MID1: variants seen among roughly 807,000 people sequenced by gnomAD.
MID1 encodes the protein E3 ubiquitin-protein ligase Midline-1.
In MID1, 7 loss-of-function variants were observed where a neutral mutation model predicts 40.4. The observed-to-expected ratio is 0.17, with a 90% confidence interval of 0.10 to 0.33. MID1 has a LOEUF of 0.33. Ranked by LOEUF, MID1 falls within the 10% of genes least tolerant of loss-of-function variation. The pLI, the probability that MID1 is intolerant of heterozygous loss-of-function variation, is 1.00. For missense variants in MID1, 367 were observed against 558.5 expected (o/e 0.66, Z 3.46); for synonymous variants, 229 against 221.2 (o/e 1.04, Z -0.31).
At chrX:10,563,968 T>A (rs1204654779) in intron 2 of MID1, among the ~76,000 whole-genome samples, 1 of 112,717 alleles carries the variant, frequency 8.9e-6, no homozygotes, top group South Asian at 3.6e-4. Context: ...TTATTCTTCA[T>A]AATAATTGCA....
chrX:10,577,554 G>A (rs888287912), intron 1 of MID1, among the ~76,000 whole-genome samples: 3 of 109,325 alleles, frequency 2.7e-5, no homozygotes, highest in Non-Finnish European at 5.7e-5. Context: ...CTATCATCCT[G>A]ATAAACAATT....
chrX:10,798,308 C>T (rs958096317), intron 1 of MID1, among the ~76,000 whole-genome samples: 1 of 112,107 alleles, frequency 8.9e-6, no homozygotes, highest in African/African-American at 3.2e-5. Context: ...GCCTTGTCCA[C>T]GTGACTGGGA....
chrX:10,815,828 T>C (rs1270953014), intron 1 of MID1, among the ~76,000 whole-genome samples: 1 of 112,408 alleles, frequency 8.9e-6, no homozygotes, highest in Non-Finnish European at 1.9e-5. Context: ...ACATTAGACT[T>C]AGCAATTGGT....
rs984919583 is a variant in MID1 at position 10,551,932 on chromosome X, G to A, written c.660+14956C>T. 9.9e-5 allele frequency among the ~76,000 whole-genome samples: 11 copies of A among 111,455 alleles called. No homozygotes were observed. The East Asian group carries it at 3.1e-3, about 31-fold the overall frequency. On this transcript the variant is annotated intron_variant, in intron 2 of 9. Transcript: ENST00000317552. The stretch of plus-strand genomic sequence containing the variant: ...AGAGTAACTGGGACCATAGGCGTGT[G>A]CCATCATGCCTGGAATTTTTTTTTA...
rs997210710 is a variant in MID1, at chrX:10,628,318, AAATCTAAATATCTGAG to A, written c.-186-7915_-186-7900del. Reference sequence around the variant, plus strand: ...TCAGCTTTTCCCATATTTATTAAAGAAATCTAAATATCTGAGAAACTACATTCAAATGAGGCTTCAT... The same window carrying A: ...TCAGCTTTTCCCATATTTATTAAAGAAAACTACATTCAAATGAGGCTTCAT... On this transcript the variant is annotated intron_variant, in intron 1 of 10. Coordinates refer to the MID1 transcript ENST00000380785. Among the ~76,000 whole-genome samples the A allele has an allele frequency of 3.2e-4, 36 of 111,335 alleles. 1 individual carries two copies. Among genetic ancestry groups the A allele is most frequent in the Admixed American group, 1.3e-3 (14 of 10,415 alleles).
chrX:10,505,677 T>C (rs1351009124), intron 3 of MID1: 2 of 752,460 alleles, frequency 2.7e-6, no homozygotes, highest in Non-Finnish European at 3.1e-6. Flanking sequence ...AGATGACCAT[T>C]AATGGAGTGC....
intron 1 of MID1, among the ~76,000 whole-genome samples, chrX:10,701,749 T>C (rs915433202): frequency 4.5e-5 from 5 of 112,194 alleles, no homozygotes; most frequent in African/African-American, 1.6e-4. Context: ...GATCAAAACC[T>C]GTCAAGTATG....
At chrX:10,675,833 G>A (rs1254156449) in intron 1 of MID1, among the ~76,000 whole-genome samples, 1 of 111,593 alleles carries the variant, frequency 9.0e-6, no homozygotes, top group African/African-American at 3.3e-5. Flanking sequence ...AAGGAAACGT[G>A]TACCTATTCT....
At chrX:10,736,154 A>AT (rs1368662387) in intron 1 of MID1, among the ~76,000 whole-genome samples, 1 of 110,696 alleles carries the variant, frequency 9.0e-6, no homozygotes, top group Non-Finnish European at 1.9e-5. Flanking sequence ...AATTTTTTGT[A>AT]TTTTTTAGTA....
At chrX:10,802,718 G>A (rs151292608) in intron 1 of MID1, among the ~76,000 whole-genome samples, 1 of 111,814 alleles carries the variant, frequency 8.9e-6, no homozygotes, top group East Asian at 2.8e-4. Context: ...AAAAAGACAC[G>A]TGGATATGTA....
intron 1 of MID1, among the ~76,000 whole-genome samples, chrX:10,639,932 G>T (rs1936168999): frequency 9.0e-6 from 1 of 111,326 alleles, no homozygotes; most frequent in South Asian, 3.8e-4. Context: ...ATAAGTGAAG[G>T]AGAAATAAAA....
At chrX:10,653,833 G>A (rs1285301985) in intron 1 of MID1, among the ~76,000 whole-genome samples, 1 of 112,683 alleles carries the variant, frequency 8.9e-6, no homozygotes, top group East Asian at 2.8e-4. Flanking sequence ...GTGCTTCACA[G>A]GAATGCAAAA....
intron 1 of MID1, among the ~76,000 whole-genome samples, chrX:10,680,329 A>G (rs1451992444): frequency 8.9e-6 from 1 of 112,071 alleles, no homozygotes; most frequent in Non-Finnish European, 1.9e-5. Context: ...GGGGTATATT[A>G]GTGACCAAGG....
chrX:10,490,549 G>T (rs148638961), intron 4 of MID1, among the ~76,000 whole-genome samples: 1 of 111,325 alleles, frequency 9.0e-6, no homozygotes, highest in Admixed American at 9.5e-5. Context: ...TGTATTATAA[G>T]AATAAAGGCT....
chrX:10,604,407 A>C (rs116485586), intron 1 of MID1, among the ~76,000 whole-genome samples: 1,991 of 111,863 alleles, frequency 0.018, 42 homozygotes, highest in African/African-American at 0.06. Flanking sequence ...ACCTATCTTG[A>C]CATTAATTAT....
At chrX:10,458,381 G>T (rs1288264121) in intron 8 of MID1, among the ~76,000 whole-genome samples, 1 of 111,920 alleles carries the variant, frequency 8.9e-6, no homozygotes, top group East Asian at 2.8e-4. Flanking sequence ...TGCATTGTGG[G>T]ATCCTGGATT....
At chrX:10,529,654 G>A (rs1325574296) in intron 2 of MID1, among the ~76,000 whole-genome samples, 8 of 111,610 alleles carry the variant, frequency 7.2e-5, no homozygotes, top group Non-Finnish European at 1.3e-4. Context: ...TGAACAAGCT[G>A]TTTTATGGAT....
At chrX:10,708,450 A>G (rs947331137) in intron 1 of MID1, among the ~76,000 whole-genome samples, 1 of 111,240 alleles carries the variant, frequency 9.0e-6, no homozygotes, top group African/African-American at 3.3e-5. Flanking sequence ...ATGGAAGTTC[A>G]GAGCAGAGGA....
rs375499641 is a variant in MID1 at position 10,474,759 on chromosome X, C to G, written c.1014-9G>C. The G allele has an allele frequency of 5.8e-6, 7 of 1,202,444 alleles. No individual in the cohort carries two copies. In the African/African-American group the frequency reaches 1.2e-4, roughly 21 times the overall value. On this transcript the variant is annotated splice_polypyrimidine_tract_variant and intron_variant, in intron 5 of 9. Coordinates refer to ENST00000317552, the MANE Select transcript of MID1 (RefSeq NM_000381.4). The stretch of plus-strand genomic sequence containing the variant: ...CAGTTGCCATGGAGACTCTGTAATG[C>G]AAACAAAACAATGTTTCAGAAATGT...
Sources: gnomAD v4.1 joint callset for allele counts (sites outside exome capture counted in the v4.1 genomes callset) on GRCh38, gnomAD v4.1.1 for gene constraint, MANE v1.5 for transcripts, NCBI Gene and HGNC (gene_info 2026-07-23, HGNC 2026-07-21) for gene names.